HSPA12B: variants seen among roughly 807,000 people sequenced by gnomAD.
The protein encoded by HSPA12B is heat shock 70 kDa protein 12B.
In HSPA12B, 54 loss-of-function variants were observed where a neutral mutation model predicts 69.3. The observed-to-expected ratio is 0.78, with a 90% CI of 0.63 to 0.98. The LOEUF is 0.98. Ranked by LOEUF, HSPA12B falls within the 50% of genes least tolerant of loss-of-function variation. HSPA12B has a pLI of 0.00. For synonymous variants in HSPA12B, 441 were observed against 436.5 expected (o/e 1.01, Z -0.13); for missense variants, 929 against 999.8 (o/e 0.93, Z 0.96).
Position 3,742,068 on chromosome 20 carries a change from G to A in HSPA12B, c.142-216G>A, listed in dbSNP as rs537314180. 3.3e-5 allele frequency among the ~76,000 whole-genome samples: 5 copies of A among 152,242 alleles called. No individual in the cohort carries two copies. The East Asian group carries it at 9.7e-4, about 29-fold the overall frequency. On this transcript the variant is annotated intron_variant, in intron 3 of 12. Coordinates refer to ENST00000254963, the MANE Select transcript of HSPA12B (RefSeq NM_052970.5). Reference sequence around the variant, plus strand: ...CAGGAGCTTGAGCCAAACCCTGCCTGGGGCTACCTGAGAGACACGTCCAAG... The same window carrying A: ...CAGGAGCTTGAGCCAAACCCTGCCTAGGGCTACCTGAGAGACACGTCCAAG...
At position 3,752,284 on chromosome 20, in the gene HSPA12B, G is replaced by T; in HGVS notation, c.*118G>T. ...AGTTCTGCAGTCTGCGCCTTTCCAC[G>T]CCCTCCAGCCCCGGGGGAGATAAGG... On this transcript the variant is annotated 3_prime_UTR_variant, in exon 13 of 13. Coordinates refer to ENST00000254963, the MANE Select transcript of HSPA12B (RefSeq NM_052970.5). 1 of 981,944 alleles carries T rather than the reference G, an allele frequency of 1.0e-6. No homozygotes were observed. The allele number at this position is 981,944 out of a possible 1,614,324, so 60.8% of individuals were successfully genotyped here. A position where few individuals can be genotyped will look rare whatever the true frequency, so the allele number is the denominator to read the frequency against.
In HSPA12B at chr20:3,752,285, C is replaced by G; in HGVS notation, c.*119C>G. ...GTTCTGCAGTCTGCGCCTTTCCACG[C>G]CCTCCAGCCCCGGGGGAGATAAGGT... On this transcript the variant is annotated 3_prime_UTR_variant, in exon 13 of 13. Coordinates refer to ENST00000254963, the MANE Select transcript of HSPA12B (RefSeq NM_052970.5). 1.0e-6 allele frequency: 1 copy of G among 978,088 alleles called. No homozygotes were observed. Among genetic ancestry groups the G allele is most frequent in the Non-Finnish European group, 1.4e-6 (1 of 710,844 alleles). 60.6% of individuals were successfully genotyped at this position (978,088 alleles called of 1,614,324 possible).
At position 3,751,645 on chromosome 20, in the gene HSPA12B, C is replaced by T. The variant is rs1013190273; in HGVS notation, c.1540C>T (p.His514Tyr). 8 of 1,525,260 alleles carry T rather than the reference C, an allele frequency of 5.2e-6. No individual in the cohort carries two copies. 94.5% of individuals were successfully genotyped at this position (1,525,260 alleles called of 1,614,324 possible). ...CCGCGGTCTGCGTGTCGTGGTCCCG[C>T]ACGACGTGGGCCTCACCATCCTCAA... ...GARGLRVVVP[H>Y]DVGLTILKGA... Residue 514 changes from histidine (H) to tyrosine (Y), a missense_variant, in exon 13 of 13, where the codon CAC (histidine) becomes TAC (tyrosine). Transcript: ENST00000254963.
chr20:3,746,908 G>C (rs2088316877), intron 7 of HSPA12B, among the ~76,000 whole-genome samples: 1 of 152,220 alleles, frequency 6.6e-6, no homozygotes. Flanking sequence ...TAGCAGCTGT[G>C]AGCCAATAGC....
At chr20:3,734,237 G>A (rs1420775264) in intron 1 of HSPA12B, among the ~76,000 whole-genome samples, 5 of 152,194 alleles carry the variant, frequency 3.3e-5, no homozygotes, top group Non-Finnish European at 7.3e-5. Context: ...ACTCTGGGAT[G>A]GGAGTCTCTG....
intron 1 of HSPA12B, among the ~76,000 whole-genome samples, chr20:3,738,290 G>T (rs1600308956): frequency 6.6e-6 from 1 of 152,196 alleles, no homozygotes; most frequent in Admixed American, 6.5e-5. Flanking sequence ...CAGGGACAGT[G>T]TCTCTCTGGG....
rs140223673 is a variant in HSPA12B, at chr20:3,750,627, T to C, written c.1302-177T>C. ...CTGGCAACTAAATCCTCTGAGTGAG[T>C]AGGGTGGAGATAAGGGACTAACATC... On this transcript the variant is annotated intron_variant, in intron 11 of 12. Coordinates refer to ENST00000254963, the MANE Select transcript of HSPA12B (RefSeq NM_052970.5). The C allele has an allele frequency of 1.2e-5, 12 of 978,064 alleles. No homozygotes were observed. In the East Asian group the frequency reaches 4.6e-4, roughly 37 times the overall value. 60.6% of individuals were successfully genotyped at this position (978,064 alleles called of 1,614,324 possible).
Position 3,751,678 on chromosome 20 carries a change from G to A in HSPA12B, c.1573G>A (p.Val525Met). The A allele has an allele frequency of 6.7e-7, 1 of 1,500,830 alleles. No homozygotes were observed. Among genetic ancestry groups the A allele is most frequent in the Admixed American group, 2.2e-5 (1 of 45,922 alleles). 93.0% of individuals were successfully genotyped at this position (1,500,830 alleles called of 1,614,324 possible). A position where few individuals can be genotyped will look rare whatever the true frequency, so the allele number is the denominator to read the frequency against. ...DVGLTILKGA[V>M]LFGQAPGVVR... ...GGGCCTCACCATCCTCAAAGGCGCG[G>A]TGCTGTTCGGCCAGGCGCCGGGCGT... Residue 525 changes from valine (V) to methionine (M), a missense_variant, in exon 13 of 13, where the codon GTG (valine) becomes ATG (methionine). This residue lies in a region of HSPA12B where 448 missense variants were observed against 448.1 expected (regional missense o/e 1.00). Coordinates refer to ENST00000254963, the MANE Select transcript of HSPA12B (RefSeq NM_052970.5).
chr20:3,752,698 C>T lies in HSPA12B; in HGVS notation c.*532C>T, dbSNP rs2088450471. On this transcript the variant is annotated 3_prime_UTR_variant, in exon 13 of 13. Transcript: ENST00000254963. ...GAGGGACAGGTGTGGTGGCACAGTC[C>T]TGGTGTGGTGCTGACCACCCAAATA... 1 of 155,266 alleles carries T rather than the reference C, an allele frequency of 6.4e-6. No homozygotes were observed. Among genetic ancestry groups the T allele is most frequent in the Non-Finnish European group, 1.4e-5 (1 of 69,300 alleles). 9.6% of individuals were successfully genotyped at this position (155,266 alleles called of 1,614,324 possible).
chr20:3,742,523 C>G lies in HSPA12B; in HGVS notation c.266+115C>G, dbSNP rs548747136. ...GTCTCCTTGGAGGCCCTGCCACCCCCAGTCTGGGGCTCCCCACTGGGGTAA... is the reference window on the plus strand; with the variant it reads ...GTCTCCTTGGAGGCCCTGCCACCCCGAGTCTGGGGCTCCCCACTGGGGTAA... On this transcript the variant is annotated intron_variant, in intron 4 of 12. Transcript: ENST00000254963. 2,144 of 786,196 alleles carry G rather than the reference C, an allele frequency of 2.7e-3. 15 individuals carry two copies. Among genetic ancestry groups the G allele is most frequent in the South Asian group, 0.015 (796 of 53,502 alleles). 48.7% of individuals were successfully genotyped at this position (786,196 alleles called of 1,614,324 possible). A position where few individuals can be genotyped will look rare whatever the true frequency, so the allele number is the denominator to read the frequency against.
In HSPA12B at chr20:3,751,773, C is replaced by A. The variant is rs1036873433; in HGVS notation, c.1668C>A (p.His556Gln). 1 of 1,526,510 alleles carries A rather than the reference C, an allele frequency of 6.6e-7. No homozygotes were observed. The highest frequency in any genetic ancestry group is 1.4e-5 in the African/African-American group (1 of 71,326). The allele number at this position is 1,526,510 out of a possible 1,614,324, so 94.6% of individuals were successfully genotyped here. ...TCAACCGCTTTGTGCCTGGGCGCCA[C>A]CCGCCCGAAAAGCTGCTGGTTCGCG... is the stretch of plus-strand genomic sequence containing the variant. Reference protein sequence around the residue: ...GVLNRFVPGRHPPEKLLVRDG... With the variant: ...GVLNRFVPGRQPPEKLLVRDG... Residue 556 changes from histidine to glutamine, a missense_variant, in exon 13 of 13, where the codon CAC (histidine) becomes CAA (glutamine). Around this residue, in one of 3 missense-constraint regions of HSPA12B, gnomAD observed 448 missense variants for 448.1 expected, o/e 1.00. Transcript: ENST00000254963.
At position 3,740,161 on chromosome 20, in the gene HSPA12B, G is replaced by T. The variant is rs999287723; in HGVS notation, c.44-654G>T. 1.3e-5 allele frequency among the ~76,000 whole-genome samples: 2 copies of T among 151,996 alleles called. No homozygotes were observed. Among genetic ancestry groups the T allele is most frequent in the Admixed American group, 6.5e-5 (1 of 15,278 alleles). On this transcript the variant is annotated intron_variant, in intron 2 of 12. Transcript: ENST00000254963. This position sits in a 1 kb window ranked among gnomAD's most constrained non-coding sequence, Gnocchi z 4.9. ...CAGGGTGTGTGTATGTGTGTGTGTG[G>T]GGGGTGGGAATCAGACTTCCTAATG...
intron 2 of HSPA12B, among the ~76,000 whole-genome samples, chr20:3,739,452 C>T (rs1462368003): frequency 2.0e-5 from 3 of 152,200 alleles, no homozygotes; most frequent in South Asian, 4.1e-4. Flanking sequence ...GGTGGGAGGC[C>T]GGAGGCAAGA....
intron 1 of HSPA12B, among the ~76,000 whole-genome samples, chr20:3,735,899 G>A (rs181439723): frequency 1.9e-4 from 29 of 152,246 alleles, no homozygotes; most frequent in Non-Finnish European, 4.0e-4. Flanking sequence ...GAAGAATCTC[G>A]ATAAGTGTTT....
rs148249749 is a variant in HSPA12B, at chr20:3,750,882, C to A, written c.1380C>A (p.Thr460=). Residue 460 remains threonine, a synonymous_variant, in exon 12 of 13, where the codon ACC becomes ACA. Coordinates refer to ENST00000254963, the MANE Select transcript of HSPA12B (RefSeq NM_052970.5). The stretch of plus-strand genomic sequence containing the variant: ...CCATGAACGAGCTCTTTCAGCCCAC[C>A]GTCAGCGGGATCATCCAGCACATAG... ...CEAMNELFQP[T]VSGIIQHIEA... The A allele has an allele frequency of 6.8e-4, 1,096 of 1,613,984 alleles. 2 individuals are homozygous for A. Among genetic ancestry groups the A allele is most frequent in the Middle Eastern group, 1.5e-3 (9 of 6,062 alleles).
At chr20:3,750,585 C>T (rs2088399820) in intron 11 of HSPA12B, 1 of 870,004 alleles carries the variant, frequency 1.1e-6, no homozygotes, top group Admixed American at 6.2e-5. Context: ...GACCTCGTAC[C>T]TGGAACCTGG....
chr20:3,732,962 T>C lies in HSPA12B; in HGVS notation c.-18+168T>C, dbSNP rs368654862. 1.4e-4 allele frequency among the ~76,000 whole-genome samples: 21 copies of C among 152,298 alleles called. No individual in the cohort carries two copies. In the East Asian group the frequency reaches 3.5e-3, roughly 25 times the overall value. On this transcript the variant is annotated intron_variant, in intron 1 of 12. Transcript: ENST00000254963. The stretch of plus-strand genomic sequence containing the variant: ...CGTGGCTGCGGGCTCGGGAAGGCAC[T>C]TGGGGCAGCGACCTTGGTCTCCCAC...
rs1039014694 is a variant in HSPA12B at position 3,750,299 on chromosome 20, G to T, written c.1301+72G>T. ...ATGACCGTGCACTGGAGGGTCCCGG[G>T]CCCCAAGGAACGGTGGGGGTCTGCC... On this transcript the variant is annotated intron_variant, in intron 11 of 12. Transcript: ENST00000254963. The T allele has an allele frequency of 2.8e-6, 4 of 1,431,942 alleles. No individual in the cohort carries two copies. The Admixed American group carries it at 9.5e-5, about 34-fold the overall frequency. 88.7% of individuals were successfully genotyped at this position (1,431,942 alleles called of 1,614,324 possible).
At chr20:3,735,400 T>C (rs2088093503) in intron 1 of HSPA12B, among the ~76,000 whole-genome samples, 1 of 151,612 alleles carries the variant, frequency 6.6e-6, no homozygotes, top group African/African-American at 2.4e-5. Flanking sequence ...AAGCTTCCGA[T>C]AGCTGGGAAG....
Sources: gnomAD v4.1 joint callset for allele counts (sites outside exome capture counted in the v4.1 genomes callset) on GRCh38, gnomAD v4.1.1 for gene constraint, gnomAD v4.1.1 regional missense constraint, Gnocchi (gnomAD v3.1) non-coding constraint, MANE v1.5 for transcripts, NCBI Gene and HGNC (gene_info 2026-07-23, HGNC 2026-07-21) for gene names.